TSPOAP1: variants seen among roughly 807,000 people sequenced by gnomAD.
TSPOAP1 encodes the protein TSPO associated protein 1, also known as peripheral-type benzodiazepine receptor-associated protein 1.
Under a neutral mutation model 197.0 loss-of-function variants are expected in TSPOAP1, and 87 were observed. That is an observed-to-expected ratio of 0.44 (90% CI 0.37 to 0.53). TSPOAP1 has a LOEUF of 0.53. TSPOAP1 is among the 20% of genes least tolerant of loss of function. TSPOAP1 has a pLI of 0.00. For missense variants in TSPOAP1, 2,174 were observed against 2,411.3 expected, an observed-to-expected ratio of 0.90 and a Z score of 2.06; for synonymous variants, 913 against 998.9, an observed-to-expected ratio of 0.91 and a Z score of 1.62.
chr17:58,321,695 C>T (rs1424034861), intron 10 of TSPOAP1, among the ~76,000 whole-genome samples: 1 of 152,180 alleles, frequency 6.6e-6, no homozygotes, highest in South Asian at 2.1e-4. Flanking sequence ...CACCATCTCC[C>T]TCCCAGGCCA....
intron 26 of TSPOAP1, 42 bp downstream of exon 26, chr17:58,306,300 C>T: frequency 2.6e-6 from 4 of 1,530,130 alleles, no homozygotes; most frequent in Non-Finnish European, 3.5e-6. Flanking sequence ...CCACCGCACA[C>T]ACATCCTCCC....
At position 58,312,587 on chromosome 17, in the gene TSPOAP1, A is replaced by T; in HGVS notation, c.2234T>A (p.Leu745Gln). 1 of 1,613,236 alleles carries T rather than the reference A, an allele frequency of 6.2e-7. No individual in the cohort carries two copies. The highest frequency in any genetic ancestry group is 1.1e-5 in the South Asian group (1 of 90,996). Residue 745 changes from leucine to glutamine, a missense_variant, in exon 17 of 32, where the codon CTG becomes CAG. Leu to Gln is a moderately radical substitution (Grantham distance 113, BLOSUM62 -2). Around this residue, in one of 5 missense-constraint regions of TSPOAP1, gnomAD observed 1,933 missense variants for 2,139.0 expected, o/e 0.90. Transcript: ENST00000343736. The stretch of plus-strand genomic sequence containing the variant: ...ACTGCTGCCACCCCCACCTACACTC[A>T]GGAAACTGAGTTCAGGGCCTGAGCT... Reference protein sequence around the residue: ...SHSSGPELSFLSVGGGGSSSG... With the variant: ...SHSSGPELSFQSVGGGGSSSG...
In TSPOAP1 at chr17:58,309,038, G is replaced by A. The variant is rs752915043; in HGVS notation, c.4234C>T (p.Pro1412Ser). The change falls in exon 22 of 32, where the codon CCT (proline) becomes TCT (serine). Residue 1412 changes from proline (P) to serine (S), a missense_variant. This residue lies in a region of TSPOAP1 where 1,933 missense variants were observed against 2,139.0 expected (regional missense o/e 0.90). Coordinates refer to ENST00000343736, the MANE Select transcript of TSPOAP1 (RefSeq NM_004758.4). This position sits in a 1 kb window ranked among gnomAD's most constrained non-coding sequence, Gnocchi z 5.0. ...GSSRRRGGGSPEKPPSRRRPP... is the reference protein window; with the variant it reads ...GSSRRRGGGSSEKPPSRRRPP... Reference sequence around the variant, plus strand: ...CGCCTGCGGCTTGGGGGCTTCTCAGGGGAGCCCCCTCCTCTCCTCCGGCTG... The same window carrying A: ...CGCCTGCGGCTTGGGGGCTTCTCAGAGGAGCCCCCTCCTCTCCTCCGGCTG... 9.9e-6 allele frequency: 16 copies of A among 1,611,968 alleles called. No individual in the cohort carries two copies. The East Asian group carries it at 3.1e-4, about 31-fold the overall frequency.
At chr17:58,306,560 C>A in intron 25 of TSPOAP1, 147 bp from the exon 26 acceptor site, 3 of 970,010 alleles carry the variant, frequency 3.1e-6, no homozygotes, top group Non-Finnish European at 4.6e-6. Flanking sequence ...GAGCCCCACC[C>A]AACCTCCAGG....
chr17:58,323,238 C>A, intron 7 of TSPOAP1, 60 bp downstream of exon 7: 1 of 1,595,736 alleles, frequency 6.3e-7, no homozygotes, highest in African/African-American at 1.3e-5. Flanking sequence ...AGGGAGCCCA[C>A]CACCTGGCTG....
At position 58,324,945 on chromosome 17, in the gene TSPOAP1, G is replaced by A; in HGVS notation, c.808C>T (p.Arg270Trp). 6.5e-7 allele frequency: 1 copy of A among 1,540,050 alleles called. No homozygotes were observed. The stretch of plus-strand genomic sequence containing the variant: ...TGCCTCTGCAGCCGCAGCACCTCCC[G>A]CTGGGACTCGCGCAGCAGCCGATCG... ...DFDRLLRESQ[R>W]EVLRLQRQIA... Residue 270 changes from arginine to tryptophan, a missense_variant, in exon 5 of 32, where the codon CGG becomes TGG. Arg to Trp is a moderately radical substitution (Grantham distance 101, BLOSUM62 -3). This residue lies in a region of TSPOAP1 where 1,933 missense variants were observed against 2,139.0 expected (regional missense o/e 0.90). Transcript: ENST00000343736. The surrounding 1 kb of genome is among the most constrained non-coding windows in gnomAD (Gnocchi z 5.8).
chr17:58,322,603 G>C lies in TSPOAP1; in HGVS notation c.1317+51C>G. ...CTAAGAATATTCTGCTGTCCCACTT[G>C]CTCCCCATGCCAGGGCCCAGCACCC... On this transcript the variant is annotated intron_variant, in intron 9 of 31. Transcript: ENST00000343736. This position sits in a 1 kb window ranked among gnomAD's most constrained non-coding sequence, Gnocchi z 5.0. The C allele has an allele frequency of 6.3e-7, 1 of 1,598,122 alleles. No homozygotes were observed. The highest frequency in any genetic ancestry group is 8.5e-7 in the Non-Finnish European group (1 of 1,176,218).
chr17:58,306,687 C>A (rs1310988203), intron 25 of TSPOAP1, 113 bp downstream of exon 25: 10 of 1,339,546 alleles, frequency 7.5e-6, no homozygotes, highest in Non-Finnish European at 4.1e-6. Context: ...GGCTCCAAGG[C>A]TCTGCTAGAG....
In TSPOAP1 at chr17:58,305,078, G is replaced by T; in HGVS notation, c.5527C>A (p.Pro1843Thr). 6.2e-7 allele frequency: 1 copy of T among 1,613,860 alleles called. No homozygotes were observed. The highest frequency in any genetic ancestry group is 8.5e-7 in the Non-Finnish European group (1 of 1,179,838). ...TCACTGACCTGACTCTCAGCCTGGG[G>T]TGTCCTGGGTTCCCTGTCCAGGCCG... ...AGGLDREPRT[P>T]QAESQRTRRR... The change falls in exon 30 of 32, where the codon CCC (proline) becomes ACC (threonine). Residue 1843 changes from proline to threonine, a missense_variant. Around this residue, in one of 5 missense-constraint regions of TSPOAP1, gnomAD observed 60 missense variants for 56.2 expected, o/e 1.07. Coordinates refer to ENST00000343736, the MANE Select transcript of TSPOAP1 (RefSeq NM_004758.4).
At position 58,316,045 on chromosome 17, in the gene TSPOAP1, C is replaced by T. The variant is rs1337090659; in HGVS notation, c.2076G>A (p.Met692Ile). ...TACCTTCAAAAAAGCCATCCTCATC[C>T]ATGTTGCCATAGATGTAGATGTACT... The part of the protein sequence containing the change: ...AGEYIYIYGN[M>I]DEDGFFEGEL... Residue 692 changes from methionine (M) to isoleucine (I), a missense_variant, in exon 16 of 32, where the codon ATG (methionine) becomes ATA (isoleucine). Met to Ile is a conservative substitution (Grantham distance 10). Around this residue, in one of 5 missense-constraint regions of TSPOAP1, gnomAD observed 1,933 missense variants for 2,139.0 expected, o/e 0.90. Coordinates refer to ENST00000343736, the MANE Select transcript of TSPOAP1 (RefSeq NM_004758.4). 6.2e-7 allele frequency: 1 copy of T among 1,613,722 alleles called. No individual in the cohort carries two copies. The highest frequency in any genetic ancestry group is 8.5e-7 in the Non-Finnish European group (1 of 1,179,760).
chr17:58,311,337 T>C (rs1266840368), intron 18 of TSPOAP1, 124 bp from the exon 19 acceptor site: 7 of 1,398,872 alleles, frequency 5.0e-6, no homozygotes, highest in Non-Finnish European at 6.8e-6. Flanking sequence ...GGTACTGTGC[T>C]AAGCCCTCTG....
Position 58,304,208 on chromosome 17 carries a change from C to G in TSPOAP1, c.*32+130G>C. On this transcript the variant is annotated intron_variant, in intron 31 of 31. Coordinates refer to ENST00000343736, the MANE Select transcript of TSPOAP1 (RefSeq NM_004758.4). The surrounding 1 kb of genome is among the most constrained non-coding windows in gnomAD (Gnocchi z 4.2). ...TCATGCAAATCTGGCTCATGGCAAG[C>G]TCTCCTTCGCCATTCCCTGGACTAC... 1.4e-6 allele frequency: 1 copy of G among 722,354 alleles called. No individual in the cohort carries two copies. The allele number at this position is 722,354 out of a possible 1,614,324, so 44.7% of individuals were successfully genotyped here.
At chr17:58,303,845 T>C (rs1970789988) in intron 31 of TSPOAP1, 1 of 152,396 alleles carries the variant, frequency 6.6e-6, no homozygotes, top group South Asian at 2.1e-4. Context: ...TAGAGAAAAC[T>C]GAGAGTTGGA....
At chr17:58,307,493 T>A in intron 24 of TSPOAP1, 118 bp downstream of exon 24, 1 of 1,357,838 alleles carries the variant, frequency 7.4e-7, no homozygotes, top group South Asian at 1.4e-5. Context: ...CCATGTCATC[T>A]GCTCTAGAAG....
intron 13 of TSPOAP1, among the ~76,000 whole-genome samples, chr17:58,318,869 A>G (rs1420330983): frequency 6.6e-6 from 1 of 152,154 alleles, no homozygotes; most frequent in Non-Finnish European, 1.5e-5. Flanking sequence ...TCCTTTTGGA[A>G]GGAGAGGAGC....
chr17:58,308,962 G>A lies in TSPOAP1; in HGVS notation c.4310C>T (p.Pro1437Leu). 4.4e-6 allele frequency: 7 copies of A among 1,609,000 alleles called. No homozygotes were observed. Among genetic ancestry groups the A allele is most frequent in the Non-Finnish European group, 5.9e-6 (7 of 1,178,312 alleles). ...GGGGCCCAGTCGTCCAGAGGCCTGG[G>A]GCCCATTGTTGCTGAGAAGTCGGCT... ...HCSRLLSNNG[P>L]QASGRLGPTR... Residue 1437 changes from proline to leucine, a missense_variant, in exon 22 of 32, where the codon CCC (proline) becomes CTC (leucine). Physicochemically the swap from Pro to Leu is moderately conservative, Grantham distance 98. Around this residue, in one of 5 missense-constraint regions of TSPOAP1, gnomAD observed 1,933 missense variants for 2,139.0 expected, o/e 0.90. Coordinates refer to ENST00000343736, the MANE Select transcript of TSPOAP1 (RefSeq NM_004758.4).
rs544021548 is a variant in TSPOAP1 at position 58,305,766 on chromosome 17, C to T, written c.5257+67G>A. 3.2e-5 allele frequency: 51 copies of T among 1,592,618 alleles called. No homozygotes were observed. In the African/African-American group the frequency reaches 5.6e-4, roughly 18 times the overall value. ...TCCCCACTAGCTGTAGCCAATGGGG[C>T]GAGGCCAGAGGGGCCACCCACCCTA... is the stretch of plus-strand genomic sequence containing the variant. On this transcript the variant is annotated intron_variant, in intron 27 of 31. Transcript: ENST00000343736.
intron 11 of TSPOAP1, 87 bp from the exon 12 acceptor site, chr17:58,320,216 T>G: frequency 6.7e-7 from 1 of 1,487,030 alleles, no homozygotes; most frequent in Non-Finnish European, 9.3e-7. Context: ...GAAGGGGGCC[T>G]AAGTGGATAT....
In TSPOAP1 at chr17:58,306,848, G is replaced by C; in HGVS notation, c.5104C>G (p.Leu1702Val). ...AVDSPAGRQQLLQRGYLSPDI... is the reference protein window; with the variant it reads ...AVDSPAGRQQVLQRGYLSPDI... The stretch of plus-strand genomic sequence containing the variant: ...GGGGACAAATAACCCCGCTGGAGCA[G>C]TTGCTGTCTCCCAGCAGGGCTGTCC... Residue 1702 changes from leucine to valine, a missense_variant, in exon 25 of 32, where the codon CTG (leucine) becomes GTG (valine). By Grantham distance (32) the Leu-to-Val change is conservative. Transcript: ENST00000343736. 2.5e-6 allele frequency: 4 copies of C among 1,613,816 alleles called. No individual in the cohort carries two copies. The highest frequency in any genetic ancestry group is 3.4e-6 in the Non-Finnish European group (4 of 1,179,976).
Sources: allele counts gnomAD v4.1 joint callset (sites outside exome capture counted in the v4.1 genomes callset), GRCh38; gene constraint gnomAD v4.1.1; regional missense constraint gnomAD v4.1.1; non-coding constraint Gnocchi (gnomAD v3.1); transcripts MANE v1.5; gene names NCBI Gene and HGNC (gene_info 2026-07-23, HGNC 2026-07-21).